TARS3: variants seen among roughly 807,000 people sequenced by gnomAD.
The protein encoded by TARS3 is threonyl-tRNA synthetase 3.
TARS3 carries 94 observed loss-of-function variants against 103.5 expected under a neutral mutation model. The ratio of observed to expected loss-of-function variants is 0.91; its 90% CI spans 0.77 to 1.08. The LOEUF (loss-of-function observed/expected upper bound fraction) is 1.08, where lower values mean the gene tolerates loss of function less well. Among genes scored for constraint, TARS3 ranks in the 50% least tolerant of loss-of-function variants. The pLI, the probability that TARS3 is intolerant of heterozygous loss-of-function variation, is 0.00. For missense variants in TARS3, 952 were observed against 995.2 expected (o/e 0.96, Z 0.58); for synonymous variants, 416 against 355.4 (o/e 1.17, Z -1.92).
At chr15:101,691,063 C>T (rs190204839) in intron 10 of TARS3, among the ~76,000 whole-genome samples, 3 of 151,972 alleles carry the variant, frequency 2.0e-5, no homozygotes, top group South Asian at 2.1e-4. Context: ...CTCAGCCTCC[C>T]GAGTAGCTGG....
rs774807758 is a variant in TARS3 at position 101,701,196 on chromosome 15, C to T, written c.1222-12G>A. On this transcript the variant is annotated splice_polypyrimidine_tract_variant and intron_variant, in intron 9 of 18. Coordinates refer to ENST00000335968, the MANE Select transcript of TARS3 (RefSeq NM_152334.3). ...AAAAGTTCTTGTTCCTAGATTGAAA[C>T]AAAAATTGCATTTCAAATGTCATCT... 5.9e-5 allele frequency: 92 copies of T among 1,547,180 alleles called. No homozygotes were observed. The highest frequency in any genetic ancestry group is 7.5e-5 in the Non-Finnish European group (86 of 1,141,664).
In TARS3 at chr15:101,653,758, C is replaced by T. The variant is rs141227515; in HGVS notation, c.*824G>A. 2.0e-5 allele frequency: 3 copies of T among 152,350 alleles called. No homozygotes were observed. The highest frequency in any genetic ancestry group is 4.4e-5 in the Non-Finnish European group (3 of 68,042). 9.4% of individuals were successfully genotyped at this position (152,350 alleles called of 1,614,324 possible). Reference sequence around the variant, plus strand: ...ATACTTCTTGTTTGGTAGCTGAATTCTCTATTGACATAATGCCATTTTAAT... The same window carrying T: ...ATACTTCTTGTTTGGTAGCTGAATTTTCTATTGACATAATGCCATTTTAAT... On this transcript the variant is annotated 3_prime_UTR_variant, in exon 19 of 19. Transcript: ENST00000335968.
At chr15:101,707,789 G>A (rs1899644657) in intron 6 of TARS3, among the ~76,000 whole-genome samples, 2 of 152,136 alleles carry the variant, frequency 1.3e-5, no homozygotes, top group Admixed American at 6.5e-5. Flanking sequence ...TGACAACATT[G>A]TCAATGTACT....
chr15:101,711,828 G>C (rs896300363), intron 5 of TARS3, 52 bp downstream of exon 5: 4 of 1,595,294 alleles, frequency 2.5e-6, no homozygotes, highest in Non-Finnish European at 3.4e-6. Context: ...AACCATTACA[G>C]AACAATACAA....
rs1899723192 is a variant in TARS3, at chr15:101,709,034, A to G, written c.813-124T>C. 4.9e-5 allele frequency: 32 copies of G among 650,802 alleles called. 1 individual carries two copies. In the South Asian group the frequency reaches 6.4e-4, roughly 13 times the overall value. The allele number at this position is 650,802 out of a possible 1,614,324, so 40.3% of individuals were successfully genotyped here. ...CTGTCTTATTGTTCCAGGACTTCAG[A>G]AAGTCAAACGTTCATACAGTCACTA... On this transcript the variant is annotated intron_variant, in intron 5 of 18. Coordinates refer to ENST00000335968, the MANE Select transcript of TARS3 (RefSeq NM_152334.3).
At chr15:101,708,476 C>T (rs1318034656) in intron 6 of TARS3, among the ~76,000 whole-genome samples, 1 of 152,008 alleles carries the variant, frequency 6.6e-6, no homozygotes, top group Non-Finnish European at 1.5e-5. Flanking sequence ...AAAAAGGCAG[C>T]ATTTTATATG....
intron 6 of TARS3, among the ~76,000 whole-genome samples, chr15:101,706,377 T>C (rs902360194): frequency 6.6e-6 from 1 of 152,132 alleles, no homozygotes; most frequent in African/African-American, 2.4e-5. Flanking sequence ...AAGAAGAAAA[T>C]CATTCGTTAA....
At chr15:101,690,244 G>A (rs1315142795) in intron 10 of TARS3, among the ~76,000 whole-genome samples, 1 of 152,140 alleles carries the variant, frequency 6.6e-6, no homozygotes, top group East Asian at 1.9e-4. Context: ...CCTGCACTGT[G>A]TTCCCCAAAG....
chr15:101,708,149 C>T (rs571906241), intron 6 of TARS3, among the ~76,000 whole-genome samples: 6 of 147,082 alleles, frequency 4.1e-5, no homozygotes, highest in Admixed American at 7.0e-5. Context: ...GACTGAGACA[C>T]GAGAATTGCT....
chr15:101,712,468 G>A (rs1341224329), intron 4 of TARS3, among the ~76,000 whole-genome samples: 3 of 152,142 alleles, frequency 2.0e-5, no homozygotes, highest in African/African-American at 2.4e-5. Flanking sequence ...TACAGTTAAC[G>A]AGATCCTGCA....
At chr15:101,717,768 G>A (rs1900228954) in intron 3 of TARS3, among the ~76,000 whole-genome samples, 2 of 152,182 alleles carry the variant, frequency 1.3e-5, no homozygotes, top group African/African-American at 4.8e-5. Context: ...CAGTCAACCT[G>A]GCCACCCACG....
chr15:101,677,647 T>C (rs1288218444), intron 12 of TARS3, among the ~76,000 whole-genome samples: 2 of 152,128 alleles, frequency 1.3e-5, no homozygotes, highest in Non-Finnish European at 2.9e-5. Flanking sequence ...TACAGGCACA[T>C]GCCACCACGC....
intron 17 of TARS3, 35 bp downstream of exon 17, chr15:101,657,750 A>C (rs1897241759): frequency 6.9e-7 from 1 of 1,439,240 alleles, no homozygotes; most frequent in Admixed American, 1.9e-5. Flanking sequence ...AATACATGCA[A>C]GATTATTATG....
chr15:101,663,175 T>A (rs553220355), intron 15 of TARS3, among the ~76,000 whole-genome samples: 22 of 152,282 alleles, frequency 1.4e-4, no homozygotes, highest in African/African-American at 4.8e-4. Flanking sequence ...CCCACGAGAT[T>A]ATAAAGAAGC....
intron 10 of TARS3, among the ~76,000 whole-genome samples, chr15:101,697,133 G>C (rs905670432): frequency 3.9e-5 from 6 of 152,070 alleles, no homozygotes; most frequent in African/African-American, 1.4e-4. Flanking sequence ...TCCCTCCCTT[G>C]AAATGCCTGC....
intron 6 of TARS3, among the ~76,000 whole-genome samples, chr15:101,708,527 A>T (rs1461244491): frequency 6.6e-6 from 1 of 152,198 alleles, no homozygotes; most frequent in African/African-American, 2.4e-5. Context: ...AGATATTCAC[A>T]ATACTCAGAA....
intron 3 of TARS3, among the ~76,000 whole-genome samples, chr15:101,717,199 G>T (rs980265758): frequency 2.0e-5 from 3 of 152,154 alleles, no homozygotes; most frequent in African/African-American, 7.2e-5. Flanking sequence ...ATTAACTTGA[G>T]CAGCAGTACT....
chr15:101,661,296 G>A (rs1264445702), intron 16 of TARS3, among the ~76,000 whole-genome samples: 3 of 151,640 alleles, frequency 2.0e-5, no homozygotes, highest in Admixed American at 1.3e-4. Flanking sequence ...GTGGCTGTAG[G>A]GAACCCCAAA....
intron 8 of TARS3, among the ~76,000 whole-genome samples, chr15:101,703,290 A>T (rs1899374341): frequency 2.0e-5 from 3 of 152,178 alleles, no homozygotes; most frequent in African/African-American, 7.2e-5. Context: ...ACAATATTTT[A>T]AAATAGTGTA....
Sources: gnomAD v4.1 joint callset for allele counts (sites outside exome capture counted in the v4.1 genomes callset) on GRCh38, gnomAD v4.1.1 for gene constraint, MANE v1.5 for transcripts, NCBI Gene and HGNC (gene_info 2026-07-23, HGNC 2026-07-21) for gene names.